The following CEP63 variants were observed in gnomAD, a reference collection of about 807,000 sequenced individuals.
CEP63 encodes centrosomal protein of 63 kDa.
Under a neutral mutation model 89.1 loss-of-function variants are expected in CEP63, and 84 were observed. The ratio of observed to expected loss-of-function variants is 0.94; its 90% confidence interval spans 0.79 to 1.13. The LOEUF is 1.13. Among genes scored for constraint, CEP63 ranks in the 50% most tolerant of loss-of-function variants. The pLI is 0.00. For synonymous variants in CEP63, 267 were observed against 272.5 expected (o/e 0.98, Z 0.20); for missense variants, 838 against 813.3 (o/e 1.03, Z -0.37).
At chr3:134,541,628 C>T (rs761211179) in intron 6 of CEP63, among the ~76,000 whole-genome samples, 1 of 151,528 alleles carries the variant, frequency 6.6e-6, no homozygotes, top group Non-Finnish European at 1.5e-5. Flanking sequence ...GATCCTCCTC[C>T]TCAGCATCCC....
At chr3:134,558,986 G>A (rs1956816669) in intron 13 of CEP63, among the ~76,000 whole-genome samples, 164 bp from the exon 14 acceptor site, 1 of 152,268 alleles carries the variant, frequency 6.6e-6, no homozygotes, top group East Asian at 1.9e-4. Flanking sequence ...GATATTTGGG[G>A]CCTGAATGAA....
intron 11 of CEP63, among the ~76,000 whole-genome samples, chr3:134,573,650 G>A (rs1958108919): frequency 6.6e-6 from 1 of 152,150 alleles, no homozygotes; most frequent in African/African-American, 2.4e-5. Flanking sequence ...TTTGGTTACT[G>A]TAGCCTTGTA....
chr3:134,723,296 G>A, the CEP63 span, among the ~76,000 whole-genome samples: 21 of 152,286 alleles, frequency 1.4e-4, no homozygotes, highest in East Asian at 2.5e-3. Context: ...CAGCCATAGC[G>A]TGCTAGTTCC....
At chr3:134,749,302 G>A in the CEP63 span, among the ~76,000 whole-genome samples, 4 of 152,190 alleles carry the variant, frequency 2.6e-5, no homozygotes, top group Non-Finnish European at 5.9e-5. Context: ...GCTTATGCTG[G>A]TGGTCCAGGA....
the CEP63 span, among the ~76,000 whole-genome samples, chr3:134,754,046 A>G: frequency 6.6e-6 from 1 of 152,158 alleles, no homozygotes; most frequent in African/African-American, 2.4e-5. Context: ...GTCCCTTTAT[A>G]CATTGTTCAG....
At chr3:134,733,068 C>G in the CEP63 span, among the ~76,000 whole-genome samples, 1 of 152,178 alleles carries the variant, frequency 6.6e-6, no homozygotes, top group Non-Finnish European at 1.5e-5. Context: ...ACTTAGGGAA[C>G]CCAATCTTTT....
At chr3:134,698,801 A>C in the CEP63 span, among the ~76,000 whole-genome samples, 3 of 152,176 alleles carry the variant, frequency 2.0e-5, no homozygotes, top group Non-Finnish European at 4.4e-5. Context: ...GTATTTTAAC[A>C]CAGGGTGAGC....
the CEP63 span, among the ~76,000 whole-genome samples, chr3:134,704,831 G>T: frequency 6.6e-6 from 1 of 152,216 alleles, no homozygotes; most frequent in African/African-American, 2.4e-5. Context: ...GAATGGAAGA[G>T]CTATGGCTTG....
chr3:134,740,853 A>G, the CEP63 span, among the ~76,000 whole-genome samples: 1 of 152,246 alleles, frequency 6.6e-6, no homozygotes, highest in Non-Finnish European at 1.5e-5. Context: ...ACCTCAGAGG[A>G]GAGGAAGTTC....
the CEP63 span, among the ~76,000 whole-genome samples, chr3:134,726,059 G>C: frequency 1.3e-5 from 2 of 152,248 alleles, no homozygotes; most frequent in Non-Finnish European, 2.9e-5. Flanking sequence ...GGCCATAACA[G>C]ATTCAAAGGG....
intron 3 of CEP63, among the ~76,000 whole-genome samples, chr3:134,522,246 A>G (rs1388436947): frequency 6.6e-6 from 1 of 152,200 alleles, no homozygotes; most frequent in Non-Finnish European, 1.5e-5. Flanking sequence ...TCAAAGTGCC[A>G]AGAGATCAGG....
At chr3:134,583,665 T>C (rs1958415503) in intron 10 of CEP63, among the ~76,000 whole-genome samples, 1 of 152,202 alleles carries the variant, frequency 6.6e-6, no homozygotes. Context: ...CTATGAGGGC[T>C]CTTTTTTGGT....
downstream of CEP63, among the ~76,000 whole-genome samples, chr3:134,579,873 A>C (rs1172076616): frequency 6.6e-6 from 1 of 152,238 alleles, no homozygotes; most frequent in African/African-American, 2.4e-5. Context: ...GGAATGAAGT[A>C]CTCATACATG....
chr3:134,699,973 G>A, the CEP63 span, among the ~76,000 whole-genome samples: 2 of 152,244 alleles, frequency 1.3e-5, no homozygotes, highest in Non-Finnish European at 2.9e-5. Flanking sequence ...GTGAGGCCAT[G>A]AGATGCCAAG....
At chr3:134,650,513 A>G in the CEP63 span, among the ~76,000 whole-genome samples, 1 of 152,044 alleles carries the variant, frequency 6.6e-6, no homozygotes, top group Non-Finnish European at 1.5e-5. Flanking sequence ...CCTCCAGGGT[A>G]TCTTCCAATC....
the CEP63 span, among the ~76,000 whole-genome samples, chr3:134,641,570 G>A: frequency 2.6e-4 from 40 of 152,206 alleles, 1 homozygote; most frequent in South Asian, 7.9e-3. Context: ...ACGCTGGCCC[G>A]GCTGACACTT....
intron 6 of CEP63, among the ~76,000 whole-genome samples, chr3:134,537,636 C>T (rs1376494730): frequency 6.6e-6 from 1 of 152,154 alleles, no homozygotes; most frequent in Admixed American, 6.5e-5. Flanking sequence ...GCCCTCTCTT[C>T]CTCCCCTCTC....
At chr3:134,735,811 A>G in the CEP63 span, among the ~76,000 whole-genome samples, 1 of 152,140 alleles carries the variant, frequency 6.6e-6, no homozygotes, top group African/African-American at 2.4e-5. Flanking sequence ...AAAAAGCAAA[A>G]CTAAGCTCAG....
At chr3:134,526,197 T>G (rs1158402655) in intron 3 of CEP63, among the ~76,000 whole-genome samples, 1 of 152,128 alleles carries the variant, frequency 6.6e-6, no homozygotes, top group East Asian at 1.9e-4. Context: ...AGCTCTGAGA[T>G]TCTTTCCTCT....
Sources: allele counts gnomAD v4.1 joint callset (sites outside exome capture counted in the v4.1 genomes callset), GRCh38; gene constraint gnomAD v4.1.1; transcripts MANE v1.5; gene names NCBI Gene and HGNC (gene_info 2026-07-23, HGNC 2026-07-21).